The following PIAS1 variants were observed in gnomAD, a reference collection of about 807,000 sequenced individuals.
The protein encoded by PIAS1 is E3 SUMO-protein ligase PIAS1.
Under a neutral mutation model 71.3 loss-of-function variants are expected in PIAS1, and 6 were observed. The observed-to-expected ratio is 0.08, with a 90% CI of 0.05 to 0.17. PIAS1 has a LOEUF of 0.17. Among genes scored for constraint, PIAS1 ranks in the 10% least tolerant of loss-of-function variants. The probability of loss-of-function intolerance (pLI) is 1.00; values close to 1 mark genes in which losing one functional copy is unlikely to be tolerated. For missense variants in PIAS1, 555 were observed against 793.6 expected (o/e 0.70, Z 3.61); for synonymous variants, 303 against 292.9 (o/e 1.03, Z -0.35).
chr15:68,111,043 T>C (rs778258175), intron 2 of PIAS1, among the ~76,000 whole-genome samples: 2 of 152,172 alleles, frequency 1.3e-5, no homozygotes, highest in Non-Finnish European at 2.9e-5. Flanking sequence ...TAAGCATCTG[T>C]TTTGTTTGCT....
rs186076770 is a variant in PIAS1 at position 68,157,765 on chromosome 15, C to G, written c.934+4070C>G. Among the ~76,000 whole-genome samples the G allele has an allele frequency of 1.9e-4, 29 of 152,178 alleles. No homozygotes were observed. The East Asian group carries it at 5.2e-3, about 27-fold the overall frequency. ...CTTATGGTTTAAAACTAACACCCAC[C>G]CCAAAATACATGTCTTCATCTCAGA... On this transcript the variant is annotated intron_variant, in intron 7 of 13. Coordinates refer to ENST00000249636, the MANE Select transcript of PIAS1 (RefSeq NM_016166.3).
chr15:68,190,452 T>TA lies in PIAS1; in HGVS notation c.*2620dup, dbSNP rs1459165924. The stretch of plus-strand genomic sequence containing the variant: ...GTACTATGTCTGTAACTACTAAGTT[T>TA]AAAGAAAAGCACATAGTCACTTCAT... On this transcript the variant is annotated 3_prime_UTR_variant, in exon 14 of 14. Coordinates refer to ENST00000249636, the MANE Select transcript of PIAS1 (RefSeq NM_016166.3). The surrounding 1 kb of genome is among the most constrained non-coding windows in gnomAD (Gnocchi z 4.7). 2 of 152,212 alleles carry TA rather than the reference T, an allele frequency of 1.3e-5. No individual in the cohort carries two copies. Among genetic ancestry groups the TA allele is most frequent in the Non-Finnish European group, 2.9e-5 (2 of 68,036 alleles). 9.4% of individuals were successfully genotyped at this position (152,212 alleles called of 1,614,324 possible).
intron 2 of PIAS1, among the ~76,000 whole-genome samples, chr15:68,126,181 T>C (rs1264390086): frequency 6.6e-6 from 1 of 152,212 alleles, no homozygotes; most frequent in East Asian, 1.9e-4. Flanking sequence ...TCTTGAATTA[T>C]TTCATTAATT....
chr15:68,175,122 G>T (rs2093013510), intron 9 of PIAS1, among the ~76,000 whole-genome samples: 2 of 151,794 alleles, frequency 1.3e-5, no homozygotes, highest in Non-Finnish European at 2.9e-5. Context: ...TTGTCCTTTG[G>T]TTTCATTTAA....
At chr15:68,123,492 A>T (rs986872604) in intron 2 of PIAS1, among the ~76,000 whole-genome samples, 1 of 152,194 alleles carries the variant, frequency 6.6e-6, no homozygotes, top group African/African-American at 2.4e-5. Flanking sequence ...AAGTCTTGGC[A>T]TATGTCATGT....
At chr15:68,181,076 A>T (rs762696284) in intron 11 of PIAS1, 136 bp from the exon 12 acceptor site, 3 of 660,552 alleles carry the variant, frequency 4.5e-6, no homozygotes, top group Non-Finnish European at 7.9e-6. Context: ...AATCTAAATT[A>T]TACATTGCTT....
Position 68,187,512 on chromosome 15 carries a change from AT to A in PIAS1, c.1663-25del, listed in dbSNP as rs1205372331. 1 of 1,597,582 alleles carries A rather than the reference AT, an allele frequency of 6.3e-7. No individual in the cohort carries two copies. Among genetic ancestry groups the A allele is most frequent in the Non-Finnish European group, 8.6e-7 (1 of 1,166,780 alleles). ...ATATTAATTTGGAAGTATAATTAACATTTTTGTGTCTTTTGTTTCCCCTCCC... is the reference window on the plus strand; with the variant it reads ...ATATTAATTTGGAAGTATAATTAACATTTTGTGTCTTTTGTTTCCCCTCCC... On this transcript the variant is annotated intron_variant, in intron 13 of 13. Coordinates refer to ENST00000249636, the MANE Select transcript of PIAS1 (RefSeq NM_016166.3). This position sits in a 1 kb window ranked among gnomAD's most constrained non-coding sequence, Gnocchi z 5.3.
At chr15:68,067,990 T>C (rs529383135) in intron 1 of PIAS1, among the ~76,000 whole-genome samples, 1 of 152,364 alleles carries the variant, frequency 6.6e-6, no homozygotes, top group African/African-American at 2.4e-5. Flanking sequence ...TTTTATATCA[T>C]AGTCTTGTAA....
chr15:68,085,330 T>C (rs756992906), intron 1 of PIAS1, among the ~76,000 whole-genome samples: 27 of 152,180 alleles, frequency 1.8e-4, no homozygotes, highest in Non-Finnish European at 2.8e-4. Context: ...TTCCACCACT[T>C]TAAAATGGGA....
rs1252654305 is a variant in PIAS1 at position 68,173,393 on chromosome 15, ACT to A, written c.1009-333_1009-332del. Among the ~76,000 whole-genome samples, 2 of 151,842 alleles carry A rather than the reference ACT, an allele frequency of 1.3e-5. No individual in the cohort carries two copies. Among genetic ancestry groups the A allele is most frequent in the African/African-American group, 2.4e-5 (1 of 41,314 alleles). Reference sequence around the variant, plus strand: ...TTAAAAAAAAAAAACTGGTGAAAGCACTCTCTCCAGAAAAATGCACACACGAA... The same window carrying A: ...TTAAAAAAAAAAAACTGGTGAAAGCACTCTCCAGAAAAATGCACACACGAA... On this transcript the variant is annotated intron_variant, in intron 8 of 13. Coordinates refer to ENST00000249636, the MANE Select transcript of PIAS1 (RefSeq NM_016166.3). This position sits in a 1 kb window ranked among gnomAD's most constrained non-coding sequence, Gnocchi z 4.3.
At chr15:68,088,674 GC>G (rs1270395614) in intron 2 of PIAS1, among the ~76,000 whole-genome samples, 4 of 152,024 alleles carry the variant, frequency 2.6e-5, no homozygotes, top group African/African-American at 9.7e-5. Flanking sequence ...TTGTTGAAGG[GC>G]AATGCTTATT....
chr15:68,074,344 T>C (rs2092134073), intron 1 of PIAS1, among the ~76,000 whole-genome samples: 1 of 152,190 alleles, frequency 6.6e-6, no homozygotes, highest in Non-Finnish European at 1.5e-5. Context: ...TAAAAAAATT[T>C]TATTTTTAGA....
At chr15:68,125,771 G>A (rs2092645879) in intron 2 of PIAS1, among the ~76,000 whole-genome samples, 2 of 151,780 alleles carry the variant, frequency 1.3e-5, no homozygotes, top group African/African-American at 4.8e-5. Flanking sequence ...CATGATTATC[G>A]CTCACTGCAG....
intron 1 of PIAS1, among the ~76,000 whole-genome samples, chr15:68,076,570 A>G (rs1168853734): frequency 6.6e-6 from 1 of 152,184 alleles, no homozygotes; most frequent in Non-Finnish European, 1.5e-5. Flanking sequence ...AATCGCAAAT[A>G]GTTGAATAAT....
intron 2 of PIAS1, among the ~76,000 whole-genome samples, chr15:68,121,386 C>G (rs904740759): frequency 3.3e-5 from 5 of 150,274 alleles, no homozygotes; most frequent in Non-Finnish European, 5.9e-5. Flanking sequence ...TTTCCTTTGT[C>G]TTTTTTCTTC....
In PIAS1 at chr15:68,134,596, G is replaced by A. The variant is rs1409259547; in HGVS notation, c.470-7350G>A. ...CAGAGGCGCCCCCCACCCCCCAGAC[G>A]GGGCGGCTGGCCGGGCGGGGGGCTA... On this transcript the variant is annotated intron_variant, in intron 2 of 13. Transcript: ENST00000249636. Among the ~76,000 whole-genome samples the A allele has an allele frequency of 3.9e-4, 13 of 33,112 alleles. 4 individuals carry two copies. The highest frequency in any genetic ancestry group is 7.4e-4 in the African/African-American group (13 of 17,662). 21.7% of individuals were successfully genotyped at this position (33,112 alleles called of 152,430 possible).
At position 68,181,314 on chromosome 15, in the gene PIAS1, G is replaced by A; in HGVS notation, c.1584G>A (p.Arg528=). ...ATACCTCCCTCATCCAAGACTATAG[G>A]CATCCTTTCCACATGACACCCATGC... ...YINTSLIQDY[R]HPFHMTPMPY... Residue 528 remains arginine (R), a synonymous_variant, in exon 12 of 14, where the codon AGG becomes AGA. Transcript: ENST00000249636. The A allele has an allele frequency of 6.2e-7, 1 of 1,613,626 alleles. No homozygotes were observed. Among genetic ancestry groups the A allele is most frequent in the South Asian group, 1.1e-5 (1 of 91,064 alleles).
chr15:68,153,052 A>T (rs148381438), intron 6 of PIAS1, among the ~76,000 whole-genome samples: 83 of 151,890 alleles, frequency 5.5e-4, no homozygotes, highest in Non-Finnish European at 8.1e-4. Flanking sequence ...ATAATGGCCC[A>T]AGTATAATCT....
At chr15:68,108,398 A>G (rs1202100591) in intron 2 of PIAS1, among the ~76,000 whole-genome samples, 1 of 152,108 alleles carries the variant, frequency 6.6e-6, no homozygotes, top group African/African-American at 2.4e-5. Context: ...CTTGACTTCC[A>G]GGATTCCACA....
Sources: gnomAD v4.1 joint callset for allele counts (sites outside exome capture counted in the v4.1 genomes callset) on GRCh38, gnomAD v4.1.1 for gene constraint, Gnocchi (gnomAD v3.1) non-coding constraint, MANE v1.5 for transcripts, NCBI Gene and HGNC (gene_info 2026-07-23, HGNC 2026-07-21) for gene names.